ARAP2: variants seen among roughly 807,000 people sequenced by gnomAD.
ARAP2 encodes arf-GAP with Rho-GAP domain, ANK repeat and PH domain-containing protein 2.
Under a neutral mutation model 194.5 loss-of-function variants are expected in ARAP2, and 148 were observed. The ratio of observed to expected loss-of-function variants is 0.76; its 90% CI spans 0.67 to 0.87. The LOEUF (loss-of-function observed/expected upper bound fraction) is 0.87, where lower values mean the gene tolerates loss of function less well. Among genes scored for constraint, ARAP2 ranks in the 40% least tolerant of loss-of-function variants. The pLI is 0.00. For missense variants in ARAP2, 2,128 were observed against 1,989.7 expected (o/e 1.07, Z -1.32); for synonymous variants, 695 against 683.5 (o/e 1.02, Z -0.26).
intron 24 of ARAP2, among the ~76,000 whole-genome samples, chr4:36,118,914 A>G (rs931005553): frequency 2.6e-5 from 4 of 151,432 alleles, no homozygotes; most frequent in African/African-American, 9.7e-5. Flanking sequence ...TTCAGGACTG[A>G]GGAGAATTTA....
intron 8 of ARAP2, among the ~76,000 whole-genome samples, chr4:36,013,160 A>G (rs1259968467): frequency 3.3e-5 from 5 of 152,178 alleles, no homozygotes; most frequent in Non-Finnish European, 7.4e-5. Context: ...ATTCTCCTTT[A>G]AAAAGTGTGG....
chr4:36,117,010 T>C (rs1161668499), intron 25 of ARAP2, 51 bp downstream of exon 25: 7 of 1,235,110 alleles, frequency 5.7e-6, no homozygotes, highest in Non-Finnish European at 4.4e-6. Context: ...AAAATAATGC[T>C]AACATTTGTG....
chr4:36,190,356 T>A (rs1741605554), intron 7 of ARAP2, among the ~76,000 whole-genome samples: 2 of 152,346 alleles, frequency 1.3e-5, no homozygotes, highest in Admixed American at 1.3e-4. Context: ...TTAATTAATA[T>A]ATTCTCCCCA....
At chr4:36,140,550 C>T (rs1037325009) in intron 19 of ARAP2, among the ~76,000 whole-genome samples, 3 of 151,670 alleles carry the variant, frequency 2.0e-5, no homozygotes, top group African/African-American at 7.2e-5. Flanking sequence ...CAATAGGCTA[C>T]TGTTTAATTT....
chr4:36,110,114 G>A (rs1719513319), intron 26 of ARAP2, among the ~76,000 whole-genome samples: 1 of 151,848 alleles, frequency 6.6e-6, no homozygotes, highest in African/African-American at 2.4e-5. Flanking sequence ...GTGAGGAACA[G>A]AGATGTGCAT....
intron 8 of ARAP2, among the ~76,000 whole-genome samples, chr4:36,014,346 GAAA>G: frequency 7.3e-6 from 1 of 137,702 alleles, no homozygotes; most frequent in South Asian, 2.1e-4. Context: ...AAGAAAGAAA[GAAA>G]GAAAGAAAGA....
intron 32 of ARAP2, among the ~76,000 whole-genome samples, chr4:36,071,797 CCACT>C (rs1001043626): frequency 4.0e-4 from 61 of 150,780 alleles, no homozygotes; most frequent in Non-Finnish European, 5.9e-5. Flanking sequence ...TGCGCTGCAC[CCACT>C]AACTCGTCAT....
chr4:36,100,594 T>C (rs946835289), intron 27 of ARAP2, among the ~76,000 whole-genome samples: 2 of 151,990 alleles, frequency 1.3e-5, no homozygotes, highest in Admixed American at 6.6e-5. Context: ...TCAGAATTGA[T>C]TGTATAGATG....
chr4:36,055,164 G>A (rs1452803168), intron 2 of ARAP2, among the ~76,000 whole-genome samples: 1 of 152,052 alleles, frequency 6.6e-6, no homozygotes, highest in Non-Finnish European at 1.5e-5. Flanking sequence ...TTTGAATCCC[G>A]AGACATAGGT....
intron 12 of ARAP2, 111 bp from the exon 13 acceptor site, chr4:36,160,752 G>A: frequency 2.1e-6 from 2 of 931,868 alleles, no homozygotes; most frequent in Non-Finnish European, 2.9e-6. Flanking sequence ...ATAAAATACA[G>A]GAAAACACAT....
chr4:36,014,230 A>AAAGG lies in ARAP2; in HGVS notation n.1056+1155_1056+1156insCCTT, dbSNP rs1715131610. Reference sequence around the variant, plus strand: ...TGACAAAGTGAGACCCTATCGAAAGAAAGAAAGAAAGAAAGAAAGAAAGAA... The same window carrying AAAGG: ...TGACAAAGTGAGACCCTATCGAAAGAAAGGAAGAAAGAAAGAAAGAAAGAAAGAA... On this transcript the variant is annotated intron_variant and non_coding_transcript_variant, in intron 8 of 12. Coordinates refer to the ARAP2 transcript ENST00000503225. 2.9e-3 allele frequency among the ~76,000 whole-genome samples: 143 copies of AAAGG among 49,438 alleles called. 4 individuals are homozygous for AAAGG. Among genetic ancestry groups the AAAGG allele is most frequent in the African/African-American group, 6.8e-3 (134 of 19,848 alleles). 32.4% of individuals were successfully genotyped at this position (49,438 alleles called of 152,430 possible).
intron 27 of ARAP2, among the ~76,000 whole-genome samples, chr4:36,096,347 A>G (rs1715239296): frequency 7.3e-6 from 1 of 137,568 alleles, no homozygotes; most frequent in Admixed American, 7.7e-5. Context: ...TCTGGGCGGC[A>G]GAGTGAGACT....
intron 2 of ARAP2, among the ~76,000 whole-genome samples, chr4:36,220,518 C>T (rs905042404): frequency 1.3e-5 from 2 of 151,850 alleles, no homozygotes; most frequent in Non-Finnish European, 2.9e-5. Flanking sequence ...CATATATTGA[C>T]TATACTTTTT....
chr4:36,235,624 A>G (rs1340495135), intron 1 of ARAP2, among the ~76,000 whole-genome samples: 2 of 152,180 alleles, frequency 1.3e-5, no homozygotes, highest in Non-Finnish European at 2.9e-5. Flanking sequence ...GATCTTGTCT[A>G]CTGTTCACTG....
chr4:36,032,645 A>C (rs1719184433), intron 5 of ARAP2, among the ~76,000 whole-genome samples: 1 of 152,120 alleles, frequency 6.6e-6, no homozygotes, highest in Admixed American at 6.5e-5. Flanking sequence ...ACATTTTCTT[A>C]CCTTATGACA....
intron 1 of ARAP2, among the ~76,000 whole-genome samples, chr4:36,241,781 A>C (rs993762673): frequency 6.6e-6 from 1 of 152,210 alleles, no homozygotes; most frequent in Non-Finnish European, 1.5e-5. Flanking sequence ...ACATGGTTTT[A>C]TATTTTAGTA....
chr4:36,072,581 G>A (rs1226125402), intron 32 of ARAP2, among the ~76,000 whole-genome samples: 1 of 151,238 alleles, frequency 6.6e-6, no homozygotes, highest in Non-Finnish European at 1.5e-5. Flanking sequence ...CCCTGTCCTG[G>A]GTTCCTGGGA....
At chr4:36,046,234 A>T (rs1257439564) in intron 4 of ARAP2, among the ~76,000 whole-genome samples, 1 of 152,120 alleles carries the variant, frequency 6.6e-6, no homozygotes, top group African/African-American at 2.4e-5. Context: ...CCCAGGCTGG[A>T]GTACAGTGGT....
intron 11 of ARAP2, among the ~76,000 whole-genome samples, chr4:36,163,159 T>C (rs1734482384): frequency 6.6e-6 from 1 of 151,564 alleles, no homozygotes; most frequent in Non-Finnish European, 1.5e-5. Flanking sequence ...TGATAAATAA[T>C]ATCACTCAGG....
Sources: allele counts gnomAD v4.1 joint callset (sites outside exome capture counted in the v4.1 genomes callset), GRCh38; gene constraint gnomAD v4.1.1; transcripts MANE v1.5; gene names NCBI Gene and HGNC (gene_info 2026-07-23, HGNC 2026-07-21).